The following ULK4 variants were observed in gnomAD, a reference collection of about 807,000 sequenced individuals.
The protein encoded by ULK4 is inactive serine/threonine-protein kinase ULK4.
Under a neutral mutation model 160.6 loss-of-function variants are expected in ULK4, and 133 were observed. That is an observed-to-expected ratio of 0.83 (90% CI 0.72 to 0.96). The LOEUF is 0.96. ULK4 is among the 40% of genes least tolerant of loss of function. The probability of loss-of-function intolerance (pLI) is 0.00; values close to 1 mark genes in which losing one functional copy is unlikely to be tolerated. For synonymous variants in ULK4, 534 were observed against 539.8 expected (o/e 0.99, Z 0.15); for missense variants, 1,580 against 1,499.5 (o/e 1.05, Z -0.89).
intron 19 of ULK4, among the ~76,000 whole-genome samples, chr3:41,813,310 T>C (rs2040870517): frequency 6.6e-6 from 1 of 152,180 alleles, no homozygotes; most frequent in African/African-American, 2.4e-5. Context: ...TAAAAAATAA[T>C]AAAAAATAAA....
chr3:41,873,570 T>A (rs1349711173), intron 17 of ULK4, among the ~76,000 whole-genome samples: 1 of 152,206 alleles, frequency 6.6e-6, no homozygotes, highest in African/African-American at 2.4e-5. Context: ...TTTTTTGTTT[T>A]CGAGATGGAG....
At chr3:41,721,943 G>A (rs1032086829) in intron 22 of ULK4, among the ~76,000 whole-genome samples, 4 of 152,128 alleles carry the variant, frequency 2.6e-5, no homozygotes, top group African/African-American at 9.7e-5. Flanking sequence ...TCTTTCAGCA[G>A]GGTCAAATCT....
At chr3:41,485,208 T>C (rs2084481692) in intron 32 of ULK4, among the ~76,000 whole-genome samples, 1 of 152,158 alleles carries the variant, frequency 6.6e-6, no homozygotes, top group Non-Finnish European at 1.5e-5. Context: ...TTTGCAAGAC[T>C]GCTTTCCTGT....
At chr3:41,775,431 C>G (rs1639628394) in intron 21 of ULK4, among the ~76,000 whole-genome samples, 1 of 145,178 alleles carries the variant, frequency 6.9e-6, no homozygotes, top group Non-Finnish European at 1.5e-5. Flanking sequence ...TGCAGTCTTG[C>G]TCTGTCACCC....
chr3:41,866,131 C>G (rs1358802873), intron 17 of ULK4, among the ~76,000 whole-genome samples: 2 of 152,154 alleles, frequency 1.3e-5, no homozygotes, highest in African/African-American at 4.8e-5. Context: ...CAACTTCAAA[C>G]AATTTTAGAC....
chr3:41,573,844 G>A (rs555795760), intron 31 of ULK4, among the ~76,000 whole-genome samples: 21 of 152,234 alleles, frequency 1.4e-4, no homozygotes, highest in African/African-American at 4.3e-4. Flanking sequence ...TCTCCTACCT[G>A]GCTAGATTCC....
At chr3:41,409,474 T>A (rs887671492) in intron 34 of ULK4, among the ~76,000 whole-genome samples, 3 of 152,136 alleles carry the variant, frequency 2.0e-5, no homozygotes, top group African/African-American at 7.2e-5. Context: ...ATTTTATAAA[T>A]CTGATACCTA....
intron 32 of ULK4, among the ~76,000 whole-genome samples, chr3:41,541,367 G>A (rs777105530): frequency 1.3e-5 from 2 of 152,078 alleles, no homozygotes; most frequent in South Asian, 2.1e-4. Context: ...TGAGGCGTCC[G>A]TTCTGTTCCA....
intron 32 of ULK4, among the ~76,000 whole-genome samples, chr3:41,482,621 G>T (rs1575287157): frequency 6.6e-6 from 1 of 152,324 alleles, no homozygotes; most frequent in East Asian, 1.9e-4. Flanking sequence ...GGAAGTTGTT[G>T]TGTTTTTTAA....
intron 35 of ULK4, among the ~76,000 whole-genome samples, chr3:41,361,729 TATTC>T (rs2081149131): frequency 6.6e-6 from 1 of 152,216 alleles, no homozygotes; most frequent in Admixed American, 6.5e-5. Context: ...GAGTATGAAA[TATTC>T]ATAATAATAA....
chr3:41,279,255 T>TAAAAAAAA (rs771175184), intron 35 of ULK4, among the ~76,000 whole-genome samples: 25 of 43,000 alleles, frequency 5.8e-4, no homozygotes, highest in East Asian at 3.3e-3. Flanking sequence ...AAAAAAAGAG[T>TAAAAAAAA]AAAAAAAAAA....
intron 35 of ULK4, among the ~76,000 whole-genome samples, chr3:41,264,083 G>A (rs2078988853): frequency 6.6e-6 from 1 of 152,230 alleles, no homozygotes; most frequent in Non-Finnish European, 1.5e-5. Context: ...CATAAGCCAA[G>A]GGTAGAATGA....
intron 18 of ULK4, among the ~76,000 whole-genome samples, chr3:41,822,599 A>G (rs2041180731): frequency 6.9e-6 from 1 of 145,520 alleles, no homozygotes; most frequent in African/African-American, 2.6e-5. Flanking sequence ...TTGTAGTTTT[A>G]GTAGAGACAG....
At chr3:41,918,808 A>G (rs1699067210) in intron 6 of ULK4, among the ~76,000 whole-genome samples, 1 of 151,916 alleles carries the variant, frequency 6.6e-6, no homozygotes, top group African/African-American at 2.4e-5. Flanking sequence ...TCACCGTGTT[A>G]GCCAGGATGG....
At chr3:41,770,550 C>T (rs1337287661) in intron 21 of ULK4, among the ~76,000 whole-genome samples, 1 of 145,460 alleles carries the variant, frequency 6.9e-6, no homozygotes, top group Non-Finnish European at 1.5e-5. Context: ...TACTCTGTTG[C>T]CCAGGCTGGA....
At chr3:41,330,862 G>A (rs537736277) in intron 35 of ULK4, among the ~76,000 whole-genome samples, 1 of 152,310 alleles carries the variant, frequency 6.6e-6, no homozygotes, top group South Asian at 2.1e-4. Context: ...GGGTGAGGAG[G>A]TCAAAGGAAG....
chr3:41,388,206 C>T (rs1181713658), intron 35 of ULK4, among the ~76,000 whole-genome samples: 1 of 152,130 alleles, frequency 6.6e-6, no homozygotes, highest in Non-Finnish European at 1.5e-5. Flanking sequence ...CCTTCACCCA[C>T]TTGTTGATGG....
In ULK4 at chr3:41,870,841, G is replaced by A. The variant is rs1697062541; in HGVS notation, c.1656+13033C>T. Among the ~76,000 whole-genome samples, 2 of 152,014 alleles carry A rather than the reference G, an allele frequency of 1.3e-5. 1 individual carries two copies. Among genetic ancestry groups the A allele is most frequent in the South Asian group, 4.1e-4 (2 of 4,820 alleles). On this transcript the variant is annotated intron_variant, in intron 17 of 36. Coordinates refer to ENST00000301831, the MANE Select transcript of ULK4 (RefSeq NM_017886.4). The stretch of plus-strand genomic sequence containing the variant: ...CTGGCAACCACTGTGATATAGTTTG[G>A]CTCTGTGTCCCCACCCAAATCTCAC...
chr3:41,649,250 G>A (rs531595277), intron 30 of ULK4, among the ~76,000 whole-genome samples: 6 of 152,322 alleles, frequency 3.9e-5, no homozygotes, highest in African/African-American at 1.2e-4. Context: ...GGCCCATTTG[G>A]AGCGGCCTCT....
Sources: allele counts gnomAD v4.1 joint callset (sites outside exome capture counted in the v4.1 genomes callset), GRCh38; gene constraint gnomAD v4.1.1; transcripts MANE v1.5; gene names NCBI Gene and HGNC (gene_info 2026-07-23, HGNC 2026-07-21).